GLDC: variants seen among roughly 807,000 people sequenced by gnomAD.
GLDC encodes the protein glycine decarboxylase.
A neutral mutation model predicts 121.3 loss-of-function variants in GLDC; 104 were observed. The observed-to-expected ratio is 0.86, with a 90% CI of 0.73 to 1.01. GLDC has a LOEUF of 1.01. Ranked by LOEUF, GLDC falls within the 50% of genes least tolerant of loss-of-function variation. The pLI, the probability that GLDC is intolerant of heterozygous loss-of-function variation, is 0.00. For missense variants in GLDC, 1,429 were observed against 1,306.6 expected (o/e 1.09, Z -1.44); for synonymous variants, 546 against 480.6 (o/e 1.14, Z -1.78).
At chr9:6,595,647 G>A (rs1415856288) in intron 8 of GLDC, among the ~76,000 whole-genome samples, 1 of 152,206 alleles carries the variant, frequency 6.6e-6, no homozygotes, top group Non-Finnish European at 1.5e-5. Context: ...TGGAGAATCT[G>A]TGGCAAAGGA....
intron 5 of GLDC, 102 bp from the exon 6 acceptor site, chr9:6,605,380 C>G: frequency 8.4e-7 from 1 of 1,193,404 alleles, no homozygotes; most frequent in Non-Finnish European, 1.2e-6. Context: ...TCTGTGCCCT[C>G]CCACAGTGGC....
At chr9:6,622,983 G>T (rs1313634484) in intron 2 of GLDC, 2 of 190,160 alleles carry the variant, frequency 1.1e-5, no homozygotes, top group Admixed American at 6.2e-5. Context: ...CACCCCGTCC[G>T]GGAGGGAGGT....
intron 3 of GLDC, among the ~76,000 whole-genome samples, chr9:6,617,478 G>A (rs1390003526): frequency 1.3e-5 from 2 of 152,058 alleles, no homozygotes; most frequent in Non-Finnish European, 2.9e-5. Context: ...TTTCTTAAGG[G>A]GGAAGAGAAA....
chr9:6,547,448 C>G (rs1014776836), intron 21 of GLDC, among the ~76,000 whole-genome samples: 1 of 152,164 alleles, frequency 6.6e-6, no homozygotes, highest in African/African-American at 2.4e-5. Flanking sequence ...ATATTGTTTA[C>G]TTGTTCTTCT....
At chr9:6,584,705 C>A (rs1285304486) in intron 15 of GLDC, among the ~76,000 whole-genome samples, 2 of 152,184 alleles carry the variant, frequency 1.3e-5, no homozygotes, top group Non-Finnish European at 2.9e-5. Flanking sequence ...TGCTCATGAC[C>A]AGAAACATCC....
At chr9:6,625,383 G>A (rs1482929649) in intron 2 of GLDC, among the ~76,000 whole-genome samples, 1 of 152,156 alleles carries the variant, frequency 6.6e-6, no homozygotes, top group South Asian at 2.1e-4. Context: ...ACTTTATTTG[G>A]CTGCATGCCT....
intron 2 of GLDC, among the ~76,000 whole-genome samples, chr9:6,636,298 C>T (rs1298194681): frequency 2.7e-5 from 4 of 146,240 alleles, no homozygotes; most frequent in Admixed American, 6.8e-5. Flanking sequence ...AGTGAGACTC[C>T]GTCTCAAAAA....
chr9:6,567,657 T>TA (rs1029165429), intron 15 of GLDC, among the ~76,000 whole-genome samples: 6 of 152,328 alleles, frequency 3.9e-5, no homozygotes, highest in African/African-American at 1.4e-4. Flanking sequence ...AACACTGACA[T>TA]AAAAAATATT....
At chr9:6,544,499 C>T (rs1394762886) in intron 21 of GLDC, among the ~76,000 whole-genome samples, 1 of 152,124 alleles carries the variant, frequency 6.6e-6, no homozygotes, top group African/African-American at 2.4e-5. Flanking sequence ...CAAAAATCAG[C>T]CGAGTGCAGT....
rs386833584 is a variant in GLDC, at chr9:6,610,192, C to T, written c.635G>A (p.Arg212Lys). The T allele has an allele frequency of 1.1e-5, 17 of 1,609,172 alleles. No homozygotes were observed. Among genetic ancestry groups the T allele is most frequent in the Middle Eastern group, 1.7e-4 (1 of 6,056 alleles). The stretch of plus-strand genomic sequence containing the variant: ...TCCAGCACTTTGAGAGGCCTCTCAC[C>T]TGTAGCACAGCTGCAGTGCCTCTGC... ...AAAEALQLCY[R>K]HNKRRKFLVD... is the part of the protein sequence containing the mutation. Residue 212 changes from arginine to lysine, a missense_variant and splice_region_variant, in exon 4 of 25, where the codon AGA becomes AAA. Arg to Lys is a conservative substitution (Grantham distance 26, BLOSUM62 2). Transcript: ENST00000321612.
chr9:6,628,582 G>GTC (rs1819296636), intron 2 of GLDC, among the ~76,000 whole-genome samples: 1 of 152,210 alleles, frequency 6.6e-6, no homozygotes, highest in Non-Finnish European at 1.5e-5. Context: ...TTTGAGCCCA[G>GTC]GAGTTCGAGC....
Position 6,544,309 on chromosome 9 carries a change from CCT to C in GLDC, c.2570-4165_2570-4164del, listed in dbSNP as rs367900312. ...GAGCCAAGGATGTGAGGGCCCAGCCCCTGAGGCCCCTGCCCACCCATACAGCA... is the reference window on the plus strand; with the variant it reads ...GAGCCAAGGATGTGAGGGCCCAGCCCGAGGCCCCTGCCCACCCATACAGCA... On this transcript the variant is annotated intron_variant, in intron 21 of 24. Transcript: ENST00000321612. Among the ~76,000 whole-genome samples, 1,220 of 152,182 alleles carry C rather than the reference CCT, an allele frequency of 8.0e-3. 11 individuals are homozygous for C. Among genetic ancestry groups the C allele is most frequent in the African/African-American group, 0.028 (1,144 of 41,492 alleles).
At chr9:6,547,479 T>C (rs945143597) in intron 21 of GLDC, among the ~76,000 whole-genome samples, 1 of 152,240 alleles carries the variant, frequency 6.6e-6, no homozygotes, top group Non-Finnish European at 1.5e-5. Context: ...CAGTCCTCAC[T>C]AGGCCCCTGT....
At chr9:6,551,320 G>A (rs77995862) in intron 20 of GLDC, among the ~76,000 whole-genome samples, 1,807 of 152,176 alleles carry the variant, frequency 0.012, 38 homozygotes, top group African/African-American at 0.041. Flanking sequence ...ATATCTCCAC[G>A]GAAGCAATTT....
chr9:6,582,266 C>G (rs1012995038), intron 15 of GLDC, among the ~76,000 whole-genome samples: 18 of 151,596 alleles, frequency 1.2e-4, no homozygotes, highest in Admixed American at 9.8e-4. Flanking sequence ...CGCCTGTAAC[C>G]CCAGCACTTT....
At chr9:6,627,213 G>A (rs971297046) in intron 2 of GLDC, among the ~76,000 whole-genome samples, 7 of 148,420 alleles carry the variant, frequency 4.7e-5, no homozygotes, top group African/African-American at 1.7e-4. Flanking sequence ...GGAGAATGGC[G>A]TGAACCCAGG....
intron 19 of GLDC, among the ~76,000 whole-genome samples, chr9:6,553,880 C>T (rs1817564887): frequency 6.6e-6 from 1 of 152,092 alleles, no homozygotes. Context: ...GCCCCATGGG[C>T]TGACATGAAC....
At chr9:6,599,139 ACGCC>A (rs1818548983) in intron 8 of GLDC, among the ~76,000 whole-genome samples, 1 of 151,162 alleles carries the variant, frequency 6.6e-6, no homozygotes, top group Non-Finnish European at 1.5e-5. Context: ...AGCCGACATC[ACGCC>A]ATTGCACTCC....
intron 2 of GLDC, among the ~76,000 whole-genome samples, chr9:6,627,939 T>C (rs1025554062): frequency 4.6e-5 from 7 of 152,192 alleles, no homozygotes; most frequent in African/African-American, 1.7e-4. Flanking sequence ...AAACCCAGTG[T>C]ACCTAGAAGC....
Sources: allele counts gnomAD v4.1 joint callset (sites outside exome capture counted in the v4.1 genomes callset), GRCh38; gene constraint gnomAD v4.1.1; transcripts MANE v1.5; gene names NCBI Gene and HGNC (gene_info 2026-07-23, HGNC 2026-07-21).